Variants in PCBP3 observed in about 807,000 individuals in gnomAD.
The protein encoded by PCBP3 is poly(rC)-binding protein 3.
Under a neutral mutation model 52.7 loss-of-function variants are expected in PCBP3, and 25 were observed. The ratio of observed to expected loss-of-function variants is 0.47; its 90% confidence interval spans 0.35 to 0.66. The LOEUF (loss-of-function observed/expected upper bound fraction) is 0.66. PCBP3 is among the 30% of genes least tolerant of loss of function. PCBP3 has a pLI of 0.01. For missense variants in PCBP3, 391 were observed against 490.3 expected, an observed-to-expected ratio of 0.80 and a Z score of 1.91; for synonymous variants, 162 against 183.0, an observed-to-expected ratio of 0.89 and a Z score of 0.93.
chr21:45,659,925 T>G (rs946683312), intron 1 of PCBP3, among the ~76,000 whole-genome samples: 1 of 152,202 alleles, frequency 6.6e-6, no homozygotes, highest in African/African-American at 2.4e-5. Flanking sequence ...TTCTGCTTTT[T>G]GAATGGAGAA....
intron 10 of PCBP3, among the ~76,000 whole-genome samples, chr21:45,909,962 C>G (rs1209371110): frequency 1.3e-5 from 1 of 79,714 alleles, no homozygotes; most frequent in Non-Finnish European, 2.6e-5. Flanking sequence ...ATACGGACCC[C>G]CCCACACACA....
chr21:45,789,622 G>C (rs935956019), intron 4 of PCBP3, among the ~76,000 whole-genome samples: 3 of 152,222 alleles, frequency 2.0e-5, no homozygotes, highest in African/African-American at 7.2e-5. Context: ...GGGCCAGTGT[G>C]GCCGGAGCAG....
chr21:45,907,907 C>T (rs1290583970), intron 9 of PCBP3, among the ~76,000 whole-genome samples: 3 of 151,658 alleles, frequency 2.0e-5, no homozygotes, highest in East Asian at 1.9e-4. Context: ...GGAGAGCTTA[C>T]GAGCCTGGGG....
rs375410434 is a variant in PCBP3, at chr21:45,844,629, C to T, written c.-125-5332C>T. Among the ~76,000 whole-genome samples, 5 of 152,080 alleles carry T rather than the reference C, an allele frequency of 3.3e-5. No individual in the cohort carries two copies. In the East Asian group the frequency reaches 7.8e-4, roughly 24 times the overall value. On this transcript the variant is annotated intron_variant, in intron 4 of 17. Transcript: ENST00000681687. ...GCTCCCCGCGGCATGGTTCCACGCG[C>T]ACCACAAGGGCAGCGTGGCTTCCTC...
chr21:45,912,851 G>A (rs149263030), intron 11 of PCBP3, among the ~76,000 whole-genome samples: 6 of 151,170 alleles, frequency 4.0e-5, no homozygotes, highest in South Asian at 2.1e-4. Context: ...GCCCAGACCC[G>A]CCCCACATCC....
chr21:45,700,346 A>C (rs894821393), intron 2 of PCBP3, among the ~76,000 whole-genome samples: 1 of 152,220 alleles, frequency 6.6e-6, no homozygotes, highest in Non-Finnish European at 1.5e-5. Flanking sequence ...ATTTTCTAAT[A>C]ATGATCTGGA....
chr21:45,682,463 T>C (rs574527411), intron 2 of PCBP3, among the ~76,000 whole-genome samples: 2 of 152,160 alleles, frequency 1.3e-5, no homozygotes, highest in African/African-American at 4.8e-5. Context: ...ACTGACTGCC[T>C]GTAACCAGGC....
At chr21:45,646,601 C>T (rs1367784680) in intron 1 of PCBP3, among the ~76,000 whole-genome samples, 1 of 152,266 alleles carries the variant, frequency 6.6e-6, no homozygotes, top group Non-Finnish European at 1.5e-5. Context: ...TGACAACCCA[C>T]TAATCCATTA....
intron 4 of PCBP3, among the ~76,000 whole-genome samples, chr21:45,764,586 T>G (rs1453640358): frequency 1.3e-5 from 2 of 152,236 alleles, no homozygotes; most frequent in African/African-American, 4.8e-5. Flanking sequence ...AAACTTCAGC[T>G]GCAGGCTGAA....
At chr21:45,836,131 G>A (rs757224685) in intron 4 of PCBP3, among the ~76,000 whole-genome samples, 3 of 152,268 alleles carry the variant, frequency 2.0e-5, no homozygotes, top group Middle Eastern at 3.4e-3. Context: ...TTTCCTGGCC[G>A]TGGGTTGCCC....
intron 2 of PCBP3, chr21:45,728,526 A>G (rs576516032): frequency 1.3e-5 from 2 of 152,246 alleles, no homozygotes; most frequent in East Asian, 3.9e-4. Flanking sequence ...AGGAATATTG[A>G]TGTCTTTTCT....
chr21:45,859,741 AC>A (rs2094442804), intron 5 of PCBP3: 1 of 152,334 alleles, frequency 6.6e-6, no homozygotes, highest in South Asian at 2.1e-4. Context: ...GGGATCGTGC[AC>A]CGTGAGCAGC....
At chr21:45,767,052 A>G (rs1237629295) in intron 4 of PCBP3, among the ~76,000 whole-genome samples, 1 of 152,004 alleles carries the variant, frequency 6.6e-6, no homozygotes, top group African/African-American at 2.4e-5. Flanking sequence ...CCCCCTTTTA[A>G]TTGAGGCATA....
intron 2 of PCBP3, among the ~76,000 whole-genome samples, chr21:45,681,725 G>A (rs1006741861): frequency 4.6e-5 from 7 of 152,114 alleles, no homozygotes; most frequent in African/African-American, 1.2e-4. Flanking sequence ...TTTTGGTAAT[G>A]TCTTTTTTGG....
chr21:45,909,798 C>CCACCCACTGCCCAGATACGGACCTGG, intron 10 of PCBP3, among the ~76,000 whole-genome samples: 1 of 90,488 alleles, frequency 1.1e-5, no homozygotes, highest in African/African-American at 4.6e-5. Context: ...GGACCCCCCC[C>CCACCCACTGCCCAGATACGGACCTGG]CCACCCACTG....
chr21:45,765,145 G>T (rs968223575), intron 4 of PCBP3, among the ~76,000 whole-genome samples: 1 of 152,238 alleles, frequency 6.6e-6, no homozygotes, highest in Non-Finnish European at 1.5e-5. Context: ...TGGGGATGGT[G>T]CCCTTTAGGG....
chr21:45,714,808 C>A (rs1044699392), intron 2 of PCBP3, among the ~76,000 whole-genome samples: 2 of 152,104 alleles, frequency 1.3e-5, no homozygotes, highest in African/African-American at 4.8e-5. Context: ...ATTTTTATAA[C>A]CACTTTGGAG....
intron 15 of PCBP3, among the ~76,000 whole-genome samples, chr21:45,932,189 A>T (rs937108323): frequency 9.2e-5 from 14 of 151,804 alleles, no homozygotes; most frequent in African/African-American, 3.2e-4. Context: ...TGCCGTCCCG[A>T]GATGAATGAA....
chr21:45,769,443 C>T (rs1002182802), intron 4 of PCBP3, among the ~76,000 whole-genome samples: 39 of 152,364 alleles, frequency 2.6e-4, no homozygotes, highest in Non-Finnish European at 5.0e-4. Flanking sequence ...GTGGGCGCAT[C>T]GCCTGTGCGT....
Sources: gnomAD v4.1 joint callset for allele counts (sites outside exome capture counted in the v4.1 genomes callset) on GRCh38, gnomAD v4.1.1 for gene constraint, MANE v1.5 for transcripts, NCBI Gene and HGNC (gene_info 2026-07-23, HGNC 2026-07-21) for gene names.